C2CD5: variants seen among roughly 807,000 people sequenced by gnomAD.
The protein encoded by C2CD5 is C2 domain-containing protein 5.
In C2CD5, 109 loss-of-function variants were observed where a neutral mutation model predicts 130.3. That is an observed-to-expected ratio of 0.84 (90% CI 0.72 to 0.98). The LOEUF is 0.98. Ranked by LOEUF, C2CD5 falls within the 50% of genes least tolerant of loss-of-function variation. The pLI is 0.00. For missense variants in C2CD5, 996 were observed against 1,261.8 expected (o/e 0.79, Z 3.19); for synonymous variants, 454 against 429.2 (o/e 1.06, Z -0.71).
At chr12:22,543,651 T>G (rs1056284760) in intron 2 of C2CD5, among the ~76,000 whole-genome samples, 7 of 152,170 alleles carry the variant, frequency 4.6e-5, no homozygotes, top group Non-Finnish European at 1.0e-4. Context: ...CACCTTGGGA[T>G]CTCCTGAGTG....
chr12:22,499,449 G>A lies in C2CD5; in HGVS notation c.1148-6112C>T, dbSNP rs190899897. ...TCACCTACAAAACAGGATTAGAGTC[G>A]ACCTCAGAGATCTGTTTTGAGGATT... On this transcript the variant is annotated intron_variant, in intron 10 of 26. Transcript: ENST00000446597. 8.5e-5 allele frequency among the ~76,000 whole-genome samples: 13 copies of A among 152,206 alleles called. No individual in the cohort carries two copies. The East Asian group carries it at 1.9e-3, about 23-fold the overall frequency.
chr12:22,520,926 A>G (rs1169426893), intron 7 of C2CD5, among the ~76,000 whole-genome samples: 4 of 152,152 alleles, frequency 2.6e-5, no homozygotes, highest in African/African-American at 9.6e-5. Flanking sequence ...TGTTCAAACT[A>G]TGGCATCAAA....
intron 10 of C2CD5, among the ~76,000 whole-genome samples, chr12:22,500,439 A>C (rs1947619553): frequency 6.6e-6 from 1 of 152,164 alleles, no homozygotes; most frequent in African/African-American, 2.4e-5. Context: ...CAAAATACAA[A>C]TCTATGTGAT....
intron 3 of C2CD5, among the ~76,000 whole-genome samples, chr12:22,532,377 G>A (rs1203045198): frequency 6.7e-6 from 1 of 149,816 alleles, no homozygotes; most frequent in African/African-American, 2.5e-5. Context: ...TTTTTGACTA[G>A]TGCAACTCAT....
intron 21 of C2CD5, 114 bp downstream of exon 21, chr12:22,470,710 C>T: frequency 1.5e-6 from 1 of 649,436 alleles, no homozygotes; most frequent in South Asian, 2.0e-5. Flanking sequence ...GAAAAAGCAG[C>T]AAATATTCTT....
intron 22 of C2CD5, among the ~76,000 whole-genome samples, chr12:22,461,990 G>A (rs931122815): frequency 2.0e-5 from 3 of 152,158 alleles, no homozygotes; most frequent in African/African-American, 7.2e-5. Context: ...TACCTCAAAT[G>A]TCTGATGACC....
intron 22 of C2CD5, among the ~76,000 whole-genome samples, chr12:22,466,885 C>A (rs1327329111): frequency 6.6e-6 from 1 of 152,146 alleles, no homozygotes; most frequent in African/African-American, 2.4e-5. Flanking sequence ...ATGATGATGA[C>A]AATAAAGGGT....
In C2CD5 at chr12:22,490,060, G is replaced by A. The variant is rs1482154884; in HGVS notation, c.1358+63C>T. The stretch of plus-strand genomic sequence containing the variant: ...CGGAGAAGAATTATCCCAACTCTCA[G>A]AAAAAAAGTCGACCTCTCCCTTCTC... On this transcript the variant is annotated intron_variant, in intron 12 of 26. Transcript: ENST00000446597. 15 of 1,226,426 alleles carry A rather than the reference G, an allele frequency of 1.2e-5. No individual in the cohort carries two copies. In the East Asian group the frequency reaches 3.3e-4, roughly 27 times the overall value. The allele number at this position is 1,226,426 out of a possible 1,614,324, so 76.0% of individuals were successfully genotyped here. A position where few individuals can be genotyped will look rare whatever the true frequency, so the allele number is the denominator to read the frequency against.
chr12:22,477,493 A>C (rs979762364), intron 15 of C2CD5, among the ~76,000 whole-genome samples: 4 of 152,308 alleles, frequency 2.6e-5, no homozygotes, highest in African/African-American at 9.6e-5. Flanking sequence ...AATAAAAGCA[A>C]TAATGTTATA....
At chr12:22,460,003 T>C (rs1940784254) in intron 22 of C2CD5, among the ~76,000 whole-genome samples, 1 of 152,218 alleles carries the variant, frequency 6.6e-6, no homozygotes, top group Admixed American at 6.5e-5. Context: ...CAGCATAAGC[T>C]GCTCCCTAGT....
intron 23 of C2CD5, 91 bp downstream of exon 23, chr12:22,459,401 A>G: frequency 2.6e-6 from 2 of 781,534 alleles, no homozygotes; most frequent in South Asian, 1.5e-5. Flanking sequence ...CATATTGTCC[A>G]GTGCATTTTC....
At chr12:22,514,667 GAAGGGAAAGA>G (rs1221337538) in intron 8 of C2CD5, among the ~76,000 whole-genome samples, 5 of 152,050 alleles carry the variant, frequency 3.3e-5, no homozygotes, top group Non-Finnish European at 7.4e-5. Flanking sequence ...GAGTTGGTAT[GAAGGGAAAGA>G]AAGTAAAGCA....
intron 13 of C2CD5, 119 bp downstream of exon 13, chr12:22,484,578 G>A: frequency 2.2e-6 from 1 of 460,082 alleles, no homozygotes; most frequent in Non-Finnish European, 3.9e-6. Context: ...CAGCAGAATT[G>A]TCCAGTTTGT....
rs182980941 is a variant in C2CD5, at chr12:22,519,445, A to T, written c.801-1308T>A. 2.0e-4 allele frequency among the ~76,000 whole-genome samples: 30 copies of T among 152,262 alleles called. No homozygotes were observed. The East Asian group carries it at 5.6e-3, about 28-fold the overall frequency. The stretch of plus-strand genomic sequence containing the variant: ...CATAGTTTTAAAGTATCCGATTAAT[A>T]AATTAATTGTGATTAATTTATTAAT... On this transcript the variant is annotated intron_variant, in intron 7 of 26. Coordinates refer to ENST00000446597, the MANE Select transcript of C2CD5 (RefSeq NM_001286176.2).
chr12:22,539,693 G>C (rs1952160428), intron 2 of C2CD5, among the ~76,000 whole-genome samples: 2 of 152,144 alleles, frequency 1.3e-5, no homozygotes, highest in Admixed American at 1.3e-4. Flanking sequence ...AATCACATGG[G>C]TAAGAAACCT....
intron 22 of C2CD5, among the ~76,000 whole-genome samples, chr12:22,467,998 G>C (rs1942371162): frequency 6.6e-6 from 1 of 151,080 alleles, no homozygotes; most frequent in African/African-American, 2.4e-5. Context: ...AGCTAACAGG[G>C]ACCCCAAGTC....
intron 16 of C2CD5, 31 bp downstream of exon 16, chr12:22,474,720 C>A: frequency 6.5e-7 from 1 of 1,532,362 alleles, no homozygotes; most frequent in South Asian, 1.3e-5. Flanking sequence ...GCTTCCAAAA[C>A]CTTTAAGAAA....
intron 26 of C2CD5, among the ~76,000 whole-genome samples, chr12:22,451,036 T>A (rs1938481726): frequency 6.6e-6 from 1 of 151,904 alleles, no homozygotes; most frequent in East Asian, 1.9e-4. Context: ...TGCTTGTATG[T>A]ATAAAATCTC....
At position 22,457,335 on chromosome 12, in the gene C2CD5, A is replaced by G. The variant is rs558095756; in HGVS notation, c.2687-174T>C. On this transcript the variant is annotated intron_variant, in intron 24 of 26. Transcript: ENST00000446597. Reference sequence around the variant, plus strand: ...GCAATTAAAAAAGAGAGACAGAAAAACATGAGAGGAAATGCTGGAATGGAA... The same window carrying G: ...GCAATTAAAAAAGAGAGACAGAAAAGCATGAGAGGAAATGCTGGAATGGAA... 9.8e-5 allele frequency among the ~76,000 whole-genome samples: 15 copies of G among 152,332 alleles called. No homozygotes were observed. The South Asian group carries it at 3.1e-3, about 32-fold the overall frequency.
Sources: allele counts gnomAD v4.1 joint callset (sites outside exome capture counted in the v4.1 genomes callset), GRCh38; gene constraint gnomAD v4.1.1; transcripts MANE v1.5; gene names NCBI Gene and HGNC (gene_info 2026-07-23, HGNC 2026-07-21).